ZNHIT6: variants seen among roughly 807,000 people sequenced by gnomAD.
The protein encoded by ZNHIT6 is box C/D snoRNA protein 1.
In ZNHIT6, 45 loss-of-function variants were observed where a neutral mutation model predicts 57.2. The observed-to-expected ratio is 0.79, with a 90% CI of 0.62 to 1.01. The LOEUF (loss-of-function observed/expected upper bound fraction) is 1.01. ZNHIT6 is among the 50% of genes least tolerant of loss of function. ZNHIT6 has a pLI of 0.00. For synonymous variants in ZNHIT6, 188 were observed against 190.0 expected, an observed-to-expected ratio of 0.99 and a Z score of 0.09; for missense variants, 528 against 567.3, an observed-to-expected ratio of 0.93 and a Z score of 0.70.
At chr1:85,678,528 T>C (rs115494310) in intron 7 of ZNHIT6, among the ~76,000 whole-genome samples, 173 bp downstream of exon 7, 2,183 of 152,258 alleles carry the variant, frequency 0.014, 35 homozygotes, top group South Asian at 0.049. Flanking sequence ...GTCTGGAACA[T>C]AGGAAACAAT....
intron 8 of ZNHIT6, among the ~76,000 whole-genome samples, chr1:85,671,400 GGCTAT>G (rs1312947815): frequency 2.0e-5 from 3 of 152,232 alleles, no homozygotes; most frequent in African/African-American, 7.2e-5. Flanking sequence ...GCTGCAGTGA[GGCTAT>G]GCTTGTGCTA....
intron 8 of ZNHIT6, among the ~76,000 whole-genome samples, chr1:85,662,879 A>G (rs1557837016): frequency 1.3e-5 from 2 of 152,182 alleles, no homozygotes; most frequent in Non-Finnish European, 2.9e-5. Context: ...TATTTAAACT[A>G]TGGATGTGGT....
intron 5 of ZNHIT6, among the ~76,000 whole-genome samples, chr1:85,684,002 T>A (rs1441190170): frequency 6.6e-6 from 1 of 152,188 alleles, no homozygotes; most frequent in East Asian, 1.9e-4. Context: ...CATCACTGTT[T>A]GAGAACCACA....
In ZNHIT6 at chr1:85,653,899, G is replaced by A; in HGVS notation, c.*159C>T. 1 of 614,318 alleles carries A rather than the reference G, an allele frequency of 1.6e-6. No homozygotes were observed. The highest frequency in any genetic ancestry group is 2.1e-5 in the South Asian group (1 of 46,826). The allele number at this position is 614,318 out of a possible 1,614,324, so 38.1% of individuals were successfully genotyped here. A position where few individuals can be genotyped will look rare whatever the true frequency, so the allele number is the denominator to read the frequency against. ...TCTTACAAGTCAATTAATTCAAGAG[G>A]TTATAAAATACATTTTTTAAAAGAG... On this transcript the variant is annotated 3_prime_UTR_variant, in exon 10 of 10. Coordinates refer to ENST00000370574, the MANE Select transcript of ZNHIT6 (RefSeq NM_017953.4).
chr1:85,687,299 C>CAAAAAAAAAAAAAAAAAAAAAAAAAAA (rs55889012), intron 5 of ZNHIT6, among the ~76,000 whole-genome samples: 6 of 77,944 alleles, frequency 7.7e-5, no homozygotes, highest in Admixed American at 1.8e-4. Flanking sequence ...AAAAAAAAAA[C>CAAAAAAAAAAAAAAAAAAAAAAAAAAA]AAAAAAAAAA....
At position 85,653,816 on chromosome 1, in the gene ZNHIT6, C is replaced by T; in HGVS notation, c.*242G>A. 5.1e-6 allele frequency: 2 copies of T among 394,836 alleles called. No individual in the cohort carries two copies. Among genetic ancestry groups the T allele is most frequent in the Admixed American group, 4.5e-5 (1 of 22,306 alleles). 24.5% of individuals were successfully genotyped at this position (394,836 alleles called of 1,614,324 possible). On this transcript the variant is annotated 3_prime_UTR_variant, in exon 10 of 10. Coordinates refer to ENST00000370574, the MANE Select transcript of ZNHIT6 (RefSeq NM_017953.4). The stretch of plus-strand genomic sequence containing the variant: ...AATTAAGCATATTAAAAAGCCAGGG[C>T]CTAATAAGTACTATGCTGATCAAGT...
chr1:85,663,861 T>A (rs1017148647), intron 8 of ZNHIT6, among the ~76,000 whole-genome samples: 9 of 152,214 alleles, frequency 5.9e-5, no homozygotes, highest in African/African-American at 2.2e-4. Context: ...CAATGTTGAA[T>A]ATAGGCCCCC....
chr1:85,694,449 T>C (rs1662302880), intron 5 of ZNHIT6, among the ~76,000 whole-genome samples: 1 of 135,504 alleles, frequency 7.4e-6, no homozygotes. Context: ...CAACTTTATG[T>C]TTCAAATTTT....
At chr1:85,678,849 T>G in intron 6 of ZNHIT6, 68 bp from the exon 7 acceptor site, 8 of 877,406 alleles carry the variant, frequency 9.1e-6, no homozygotes, top group Non-Finnish European at 1.4e-5. Flanking sequence ...GTGTTAATTT[T>G]GAATTATTAA....
rs779087686 is a variant in ZNHIT6 at position 85,708,244 on chromosome 1, C to A, written c.41G>T (p.Gly14Val). ...CACCCCCTCAGCTACGCTGTGGAGA[C>A]CTCCCCCAGACTTCCCTTCATTTTC... Reference protein sequence around the residue: ...AAENEGKSGGGLHSVAEGVRL... With the variant: ...AAENEGKSGGVLHSVAEGVRL... The change falls in exon 1 of 10, where the codon GGT becomes GTT. Residue 14 changes from glycine to valine, a missense_variant. By Grantham distance (109) the Gly-to-Val change is moderately radical. Transcript: ENST00000370574. 1.9e-6 allele frequency: 3 copies of A among 1,609,942 alleles called. No homozygotes were observed. The African/African-American group carries it at 4.0e-5, about 22-fold the overall frequency.
intron 5 of ZNHIT6, 61 bp downstream of exon 5, chr1:85,702,095 AC>A (rs1662551992): frequency 8.4e-7 from 1 of 1,190,574 alleles, no homozygotes; most frequent in East Asian, 2.4e-5. Flanking sequence ...TAGCAACCAA[AC>A]CTTAAAGAAT....
chr1:85,703,649 TAA>T (rs1397157265), intron 4 of ZNHIT6, among the ~76,000 whole-genome samples: 1 of 152,128 alleles, frequency 6.6e-6, no homozygotes, highest in Non-Finnish European at 1.5e-5. Flanking sequence ...GTTAAAGACA[TAA>T]GTGTAAAACA....
chr1:85,672,020 T>C (rs1390239903), intron 8 of ZNHIT6, among the ~76,000 whole-genome samples: 1 of 152,226 alleles, frequency 6.6e-6, no homozygotes, highest in East Asian at 1.9e-4. Context: ...ACACAGATTA[T>C]GTATTCTGGA....
At chr1:85,676,659 G>A (rs1661712697) in intron 8 of ZNHIT6, among the ~76,000 whole-genome samples, 1 of 152,126 alleles carries the variant, frequency 6.6e-6, no homozygotes, top group Non-Finnish European at 1.5e-5. Context: ...TGAGAGAGAT[G>A]GGTGAATGAG....
At position 85,702,220 on chromosome 1, in the gene ZNHIT6, T is replaced by C. The variant is rs781646398; in HGVS notation, c.956A>G (p.Asn319Ser). The C allele has an allele frequency of 3.7e-6, 6 of 1,609,432 alleles. No homozygotes were observed. The highest frequency in any genetic ancestry group is 5.1e-6 in the Non-Finnish European group (6 of 1,178,758). The change falls in exon 5 of 10, where the codon AAC becomes AGC. Residue 319 changes from asparagine to serine, a missense_variant. Coordinates refer to ENST00000370574, the MANE Select transcript of ZNHIT6 (RefSeq NM_017953.4). ...MKNRARRQGI[N>S]LKLLPNGFTK... ...GAATCCATTGGGTAGAAGTTTTAAG[T>C]TAATACCTTGCCTCCGGGCACGATT...
At chr1:85,688,603 A>G (rs1397325784) in intron 5 of ZNHIT6, among the ~76,000 whole-genome samples, 1 of 152,150 alleles carries the variant, frequency 6.6e-6, no homozygotes, top group African/African-American at 2.4e-5. Flanking sequence ...TAATGAATGA[A>G]CTCTATGCCT....
At chr1:85,679,065 A>G (rs1661788339) in intron 6 of ZNHIT6, among the ~76,000 whole-genome samples, 1 of 152,184 alleles carries the variant, frequency 6.6e-6, no homozygotes, top group East Asian at 1.9e-4. Context: ...ACACACCTGT[A>G]CTCAAACATG....
intron 5 of ZNHIT6, among the ~76,000 whole-genome samples, chr1:85,685,572 T>C (rs1429523288): frequency 6.6e-6 from 1 of 152,204 alleles, no homozygotes; most frequent in Non-Finnish European, 1.5e-5. Flanking sequence ...ACATAATGAT[T>C]TGTGGGCTTT....
intron 8 of ZNHIT6, among the ~76,000 whole-genome samples, chr1:85,663,601 G>C (rs2100653306): frequency 6.6e-6 from 1 of 152,236 alleles, no homozygotes; most frequent in East Asian, 1.9e-4. Context: ...GCACTTTATG[G>C]GGGGAGGCAG....
Sources: allele counts gnomAD v4.1 joint callset (sites outside exome capture counted in the v4.1 genomes callset), GRCh38; gene constraint gnomAD v4.1.1; transcripts MANE v1.5; gene names NCBI Gene and HGNC (gene_info 2026-07-23, HGNC 2026-07-21).